The following USP50 variants were observed in gnomAD, a reference collection of about 807,000 sequenced individuals.
The protein encoded by USP50 is ubiquitin specific peptidase 50.
In USP50, 37 loss-of-function variants were observed where a neutral mutation model predicts 39.2. That is an observed-to-expected ratio of 0.94 (90% CI 0.73 to 1.24). The LOEUF (loss-of-function observed/expected upper bound fraction) is 1.24. Among genes scored for constraint, USP50 ranks in the 50% most tolerant of loss-of-function variants. The probability of loss-of-function intolerance (pLI) is 0.00; values close to 1 mark genes in which losing one functional copy is unlikely to be tolerated. For synonymous variants in USP50, 139 were observed against 144.5 expected, an observed-to-expected ratio of 0.96 and a Z score of 0.27; for missense variants, 374 against 398.2, an observed-to-expected ratio of 0.94 and a Z score of 0.52.
chr15:50,508,845 AG>A (rs2052698213), intron 6 of USP50: 1 of 149,298 alleles, frequency 6.7e-6, no homozygotes, highest in Non-Finnish European at 1.5e-5. Context: ...AAAAAAAAAA[AG>A]AGTACAGGCC....
chr15:50,514,994 T>TAAAAAA (rs386382963), intron 6 of USP50, among the ~76,000 whole-genome samples: 1 of 74,624 alleles, frequency 1.3e-5, no homozygotes. Flanking sequence ...AGACACAGTC[T>TAAAAAA]AAAAAAAAAA....
rs973952391 is a variant in USP50 at position 50,544,735 on chromosome 15, C to G, written c.100G>C (p.Asp34His). 6.2e-7 allele frequency: 1 copy of G among 1,613,916 alleles called. No individual in the cohort carries two copies. Among genetic ancestry groups the G allele is most frequent in the African/African-American group, 1.3e-5 (1 of 74,932 alleles). ...CCCTGAAAATGGGGCTGGTTCCCAT[C>G]AGCCTCCTTAACTGGAAGGGTATCA... ...YYDTLPVKEA[D>H]GNQPHFQGVT... The change falls in exon 2 of 7, where the codon GAT becomes CAT. Residue 34 changes from aspartate (D) to histidine (H), a missense_variant. By Grantham distance (81) the Asp-to-His change is moderately conservative. Transcript: ENST00000532404.
chr15:50,515,717 G>C (rs952217263), intron 6 of USP50, among the ~76,000 whole-genome samples: 1 of 151,654 alleles, frequency 6.6e-6, no homozygotes, highest in Admixed American at 6.6e-5. Flanking sequence ...TAAATCAGTT[G>C]ATGTAATTTA....
rs1242572324 is a variant in USP50 at position 50,540,710 on chromosome 15, G to A, written c.660+339C>T. Among the ~76,000 whole-genome samples, 3 of 152,096 alleles carry A rather than the reference G, an allele frequency of 2.0e-5. No homozygotes were observed. In the East Asian group the frequency reaches 5.8e-4, roughly 29 times the overall value. On this transcript the variant is annotated intron_variant, in intron 4 of 6. Transcript: ENST00000532404. ...GCGATCTTGGCTCACAACAACCTCCGCCTCCCAGGTTCAAGCGATTCTTAT... is the reference window on the plus strand; with the variant it reads ...GCGATCTTGGCTCACAACAACCTCCACCTCCCAGGTTCAAGCGATTCTTAT...
chr15:50,522,800 C>T (rs1401990864), intron 6 of USP50, among the ~76,000 whole-genome samples: 4 of 152,170 alleles, frequency 2.6e-5, no homozygotes, highest in African/African-American at 9.7e-5. Flanking sequence ...TGTGTGCCAC[C>T]ACGCCAGGCT....
At chr15:50,518,378 G>A (rs1001263488) in intron 6 of USP50, among the ~76,000 whole-genome samples, 8 of 151,570 alleles carry the variant, frequency 5.3e-5, no homozygotes, top group Middle Eastern at 6.8e-3. Flanking sequence ...CCACCACCAC[G>A]CCCGGCTAAT....
chr15:50,499,990 A>ACAT (rs2052551991), downstream of USP50: 1 of 152,188 alleles, frequency 6.6e-6, no homozygotes, highest in Non-Finnish European at 1.5e-5. Flanking sequence ...ATTATAAACT[A>ACAT]CATCTTTACA....
chr15:50,520,671 C>A (rs943362235), intron 6 of USP50, among the ~76,000 whole-genome samples: 2 of 151,994 alleles, frequency 1.3e-5, no homozygotes, highest in Admixed American at 6.6e-5. Context: ...GAAATCTCAT[C>A]ATCTGCAGTA....
intron 6 of USP50, chr15:50,511,319 G>C (rs2052737074): frequency 6.6e-6 from 1 of 152,134 alleles, no homozygotes; most frequent in Non-Finnish European, 1.5e-5. Context: ...AGTTCCAGTT[G>C]CTGGTGGGAA....
At chr15:50,532,237 A>G (rs902973747) in intron 5 of USP50, 11 of 456,176 alleles carry the variant, frequency 2.4e-5, no homozygotes, top group Middle Eastern at 3.2e-4. Context: ...TCTGGCAAGA[A>G]GAAGGGAAAG....
downstream of USP50, chr15:50,498,634 C>A: frequency 6.2e-7 from 1 of 1,612,016 alleles, no homozygotes; most frequent in Non-Finnish European, 8.5e-7. Context: ...AAATTACAGA[C>A]ATCTGTGGAC....
Position 50,545,297 on chromosome 15 carries a change from G to A in USP50, c.54-516C>T, listed in dbSNP as rs188695209. Reference sequence around the variant, plus strand: ...CTGGCACTATTTAAGTACTTAACATGCATTTTCCCATTAAATCTTTCAACA... The same window carrying A: ...CTGGCACTATTTAAGTACTTAACATACATTTTCCCATTAAATCTTTCAACA... On this transcript the variant is annotated intron_variant, in intron 1 of 6. Coordinates refer to ENST00000532404, the MANE Select transcript of USP50 (RefSeq NM_203494.5). 3.1e-3 allele frequency among the ~76,000 whole-genome samples: 475 copies of A among 151,934 alleles called. 2 individuals are homozygous for A. Among genetic ancestry groups the A allele is most frequent in the Middle Eastern group, 0.017 (5 of 292 alleles).
At chr15:50,508,281 G>A (rs990709660) in intron 6 of USP50, 2 of 151,946 alleles carry the variant, frequency 1.3e-5, no homozygotes, top group Admixed American at 6.6e-5. Context: ...CAAAACATGG[G>A]ATGCACTGAT....
At chr15:50,540,726 C>T (rs1475377667) in intron 4 of USP50, among the ~76,000 whole-genome samples, 2 of 152,068 alleles carry the variant, frequency 1.3e-5, no homozygotes, top group African/African-American at 2.4e-5. Flanking sequence ...CAGGTTCAAG[C>T]GATTCTTATG....
intron 6 of USP50, among the ~76,000 whole-genome samples, chr15:50,519,437 G>A (rs750446114): frequency 2.7e-5 from 4 of 150,606 alleles, no homozygotes; most frequent in Non-Finnish European, 5.9e-5. Context: ...CCCTGAGGCC[G>A]GGTGCGGTGG....
chr15:50,537,957 A>AGGGTC (rs1555395982), intron 5 of USP50, among the ~76,000 whole-genome samples: 2 of 140,142 alleles, frequency 1.4e-5, no homozygotes, highest in Non-Finnish European at 3.1e-5. Flanking sequence ...AGGGAAGGGA[A>AGGGTC]GGGTCTTAAA....
Position 50,544,848 on chromosome 15 carries a change from T to C in USP50, c.54-67A>G, listed in dbSNP as rs1009515853. 5 of 1,425,958 alleles carry C rather than the reference T, an allele frequency of 3.5e-6. No homozygotes were observed. The African/African-American group carries it at 7.1e-5, about 20-fold the overall frequency. 88.3% of individuals were successfully genotyped at this position (1,425,958 alleles called of 1,614,324 possible). ...AAAATATGTACAAATGACAATAAGC[T>C]TCTCTTAATATTATGAAATAAAGAA... is the stretch of plus-strand genomic sequence containing the variant. On this transcript the variant is annotated intron_variant, in intron 1 of 6. Coordinates refer to ENST00000532404, the MANE Select transcript of USP50 (RefSeq NM_203494.5).
chr15:50,532,850 G>T lies in USP50; in HGVS notation c.804-2921C>A, dbSNP rs56883968. Reference sequence around the variant, plus strand: ...GGTATCCTTGTTAGTACAGTGGTTAGTTTCTTTTCTTTTCTTTTAACTACT... The same window carrying T: ...GGTATCCTTGTTAGTACAGTGGTTATTTTCTTTTCTTTTCTTTTAACTACT... On this transcript the variant is annotated intron_variant, in intron 5 of 6. Transcript: ENST00000532404. 1.5e-3 allele frequency among the ~76,000 whole-genome samples: 230 copies of T among 152,264 alleles called. 2 individuals carry two copies. The highest frequency in any genetic ancestry group is 5.2e-3 in the African/African-American group (215 of 41,550).
chr15:50,519,971 C>G (rs1348097981), intron 6 of USP50, among the ~76,000 whole-genome samples: 1 of 152,014 alleles, frequency 6.6e-6, no homozygotes, highest in Non-Finnish European at 1.5e-5. Flanking sequence ...CAAGGGATAC[C>G]TGCACCCTCA....
Sources: gnomAD v4.1 joint callset for allele counts (sites outside exome capture counted in the v4.1 genomes callset) on GRCh38, gnomAD v4.1.1 for gene constraint, MANE v1.5 for transcripts, NCBI Gene and HGNC (gene_info 2026-07-23, HGNC 2026-07-21) for gene names.